Variants in KIF2C observed in about 807,000 individuals in gnomAD.
KIF2C encodes kinesin family member 2C, also known as kinesin-like protein KIF2C.
Under a neutral mutation model 97.4 loss-of-function variants are expected in KIF2C, and 34 were observed. That is an observed-to-expected ratio of 0.35 (90% CI 0.27 to 0.46). The LOEUF (loss-of-function observed/expected upper bound fraction) is 0.46, where lower values mean the gene tolerates loss of function less well. KIF2C is among the 20% of genes least tolerant of loss of function. KIF2C has a pLI of 1.00. For synonymous variants in KIF2C, 313 were observed against 318.2 expected, an observed-to-expected ratio of 0.98 and a Z score of 0.17; for missense variants, 750 against 907.6, an observed-to-expected ratio of 0.83 and a Z score of 2.23.
intron 19 of KIF2C, among the ~76,000 whole-genome samples, chr1:44,764,619 C>T (rs1650352381): frequency 6.6e-6 from 1 of 152,192 alleles, no homozygotes; most frequent in East Asian, 2.0e-4. Context: ...AAGCAATTCT[C>T]CTGCCTCAGC....
Position 44,753,749 on chromosome 1 carries a change from T to C in KIF2C, c.579T>C (p.Cys193=). The C allele has an allele frequency of 6.2e-7, 1 of 1,605,608 alleles. No individual in the cohort carries two copies. The part of the protein sequence containing the change: ...NPVNSVRRKS[C]LVKEVEKMKN... The stretch of plus-strand genomic sequence containing the variant: ...TTTTCATAGTTCGGAGGAAATCATG[T>C]CTTGTGAAGGAAGTGGAAAAAATGA... Residue 193 remains cysteine, a synonymous_variant, in exon 7 of 21, where the codon TGT becomes TGC. Coordinates refer to ENST00000372224, the MANE Select transcript of KIF2C (RefSeq NM_006845.4).
At position 44,740,926 on chromosome 1, in the gene KIF2C, T is replaced by C. The variant is rs145948180; in HGVS notation, c.84T>C (p.Ser28=). The change falls in exon 2 of 21, where the codon AGT becomes AGC. Residue 28 remains serine (S), a synonymous_variant. Transcript: ENST00000372224. ...KIQRSNGLIH[S]ANVRTVNLEK... is the part of the protein sequence containing the mutation. ...CATACTTTATAGGTTTAATTCACAGTGCCAATGTAAGGACTGTGAACTTGG... is the reference window on the plus strand; with the variant it reads ...CATACTTTATAGGTTTAATTCACAGCGCCAATGTAAGGACTGTGAACTTGG... 6.2e-7 allele frequency: 1 copy of C among 1,613,050 alleles called. No individual in the cohort carries two copies. Among genetic ancestry groups the C allele is most frequent in the Non-Finnish European group, 8.5e-7 (1 of 1,179,312 alleles).
Position 44,740,633 on chromosome 1 carries a change from G to C in KIF2C, c.71-280G>C, listed in dbSNP as rs572677551. ...ACATACCTTTTGTATGTTCTCTTTT[G>C]TAGGCTCTATCTCTCTTTTTTTGTA... On this transcript the variant is annotated intron_variant, in intron 1 of 20. Transcript: ENST00000372224. Among the ~76,000 whole-genome samples the C allele has an allele frequency of 2.0e-5, 3 of 152,220 alleles. No individual in the cohort carries two copies. The East Asian group carries it at 5.8e-4, about 29-fold the overall frequency.
At position 44,758,144 on chromosome 1, in the gene KIF2C, G is replaced by C. The variant is rs920610597; in HGVS notation, c.1224+4G>C. The C allele has an allele frequency of 6.2e-7, 1 of 1,613,350 alleles. No individual in the cohort carries two copies. Among genetic ancestry groups the C allele is most frequent in the South Asian group, 1.1e-5 (1 of 91,050 alleles). On this transcript the variant is annotated splice_donor_region_variant and intron_variant, in intron 13 of 20. Transcript: ENST00000372224. ...CTTCGAGATCTACAATGGGAAGGTA[G>C]CTGGCAGGAAGCCCCTTGTTTACAC...
intron 2 of KIF2C, chr1:44,746,835 G>T: frequency 7.4e-7 from 1 of 1,356,458 alleles, no homozygotes; most frequent in South Asian, 1.3e-5. Context: ...GGTAAAGTTT[G>T]AATTTAGGGG....
intron 4 of KIF2C, among the ~76,000 whole-genome samples, chr1:44,748,192 A>T (rs2148823786): frequency 6.6e-6 from 1 of 152,210 alleles, no homozygotes; most frequent in Non-Finnish European, 1.5e-5. Context: ...AGTCTGTGAA[A>T]ACCTACTTTG....
Position 44,762,502 on chromosome 1 carries a change from G to A in KIF2C, c.1858-43G>A, listed in dbSNP as rs764210263. ...AGACAGAAGTGTGGCCTGCTGAGGCGGCACCTGGGTCACATAATTGTCTTT... is the reference window on the plus strand; with the variant it reads ...AGACAGAAGTGTGGCCTGCTGAGGCAGCACCTGGGTCACATAATTGTCTTT... On this transcript the variant is annotated intron_variant, in intron 18 of 20. Transcript: ENST00000372224. 8.7e-6 allele frequency: 14 copies of A among 1,607,488 alleles called. No individual in the cohort carries two copies. In the African/African-American group the frequency reaches 1.6e-4, roughly 18 times the overall value.
At chr1:44,741,314 G>A (rs900394085) in intron 2 of KIF2C, among the ~76,000 whole-genome samples, 19 of 151,560 alleles carry the variant, frequency 1.3e-4, no homozygotes, top group East Asian at 1.9e-4. Context: ...CCTGGGAGGC[G>A]GAGGTTGCAG....
At chr1:44,765,733 G>A (rs1176089040) in intron 19 of KIF2C, among the ~76,000 whole-genome samples, 1 of 152,180 alleles carries the variant, frequency 6.6e-6, no homozygotes, top group Non-Finnish European at 1.5e-5. Context: ...TACTCGGGAG[G>A]CTGAGTTGTA....
In KIF2C at chr1:44,760,525, G is replaced by A; in HGVS notation, c.1572+41G>A. The A allele has an allele frequency of 6.2e-7, 1 of 1,611,826 alleles. No individual in the cohort carries two copies. The highest frequency in any genetic ancestry group is 8.5e-7 in the Non-Finnish European group (1 of 1,178,686). ...GAGCTGGTTGGCCGGGAGAGCTACT[G>A]GGAAGGGATGGGGAGGGATCAGTGC... is the stretch of plus-strand genomic sequence containing the variant. On this transcript the variant is annotated intron_variant, in intron 15 of 20. Transcript: ENST00000372224. This position sits in a 1 kb window ranked among gnomAD's most constrained non-coding sequence, Gnocchi z 4.2.
rs1267938367 is a variant in KIF2C, at chr1:44,753,841, T to C, written c.663+8T>C. The stretch of plus-strand genomic sequence containing the variant: ...AGAATGAAGAGAGCTCAGGTACCTT[T>C]CTTGGGAGACTAGGGTAAGGGTTTT... On this transcript the variant is annotated splice_region_variant and intron_variant, in intron 7 of 20. Transcript: ENST00000372224. 5.1e-6 allele frequency: 8 copies of C among 1,572,798 alleles called. No homozygotes were observed. The South Asian group carries it at 9.2e-5, about 18-fold the overall frequency.
intron 1 of KIF2C, among the ~76,000 whole-genome samples, chr1:44,740,555 A>G (rs1218691693): frequency 6.6e-6 from 1 of 152,196 alleles, no homozygotes; most frequent in Non-Finnish European, 1.5e-5. Context: ...CAGATCCTCA[A>G]TGCTATGTTG....
At position 44,759,195 on chromosome 1, in the gene KIF2C, G is replaced by A; in HGVS notation, c.1225-11G>A. 1.9e-6 allele frequency: 3 copies of A among 1,613,820 alleles called. No individual in the cohort carries two copies. The highest frequency in any genetic ancestry group is 2.5e-6 in the Non-Finnish European group (3 of 1,179,888). Reference sequence around the variant, plus strand: ...CAGTGGCCTTAGCCTCATTCCCCCTGCCTGGCACAGCTGTTTGACCTGCTC... The same window carrying A: ...CAGTGGCCTTAGCCTCATTCCCCCTACCTGGCACAGCTGTTTGACCTGCTC... On this transcript the variant is annotated splice_polypyrimidine_tract_variant and intron_variant, in intron 13 of 20. Coordinates refer to ENST00000372224, the MANE Select transcript of KIF2C (RefSeq NM_006845.4).
At chr1:44,750,241 T>A (rs1649435703) in intron 4 of KIF2C, 2 of 450,152 alleles carry the variant, frequency 4.4e-6, no homozygotes, top group South Asian at 1.5e-4. Context: ...GCTCCTAGAT[T>A]TGCACAATGT....
chr1:44,757,452 TAGA>T, intron 10 of KIF2C, 101 bp from the exon 11 acceptor site: 5 of 764,104 alleles, frequency 6.5e-6, no homozygotes, highest in Non-Finnish European at 9.3e-6. Context: ...GTGCTATTCT[TAGA>T]AGGAGGAATC....
intron 3 of KIF2C, 27 bp downstream of exon 3, chr1:44,747,512 C>T (rs1649271696): frequency 6.3e-7 from 1 of 1,584,246 alleles, no homozygotes; most frequent in South Asian, 1.1e-5. Flanking sequence ...TGGCTGCAGC[C>T]AGTGCGCCAG....
At position 44,758,052 on chromosome 1, in the gene KIF2C, G is replaced by A. The variant is rs959771177; in HGVS notation, c.1136G>A (p.Arg379Gln). ...TTAGCAAAGTTCTCTCCCTCAGCCC[G>A]GGACGTCTTCCTCCTGAAGAATCAA... is the stretch of plus-strand genomic sequence containing the variant. The part of the protein sequence containing the change: ...ASKGIYAMAS[R>Q]DVFLLKNQPC... The change falls in exon 13 of 21, where the codon CGG (arginine) becomes CAG (glutamine). Residue 379 changes from arginine to glutamine, a missense_variant. Arg to Gln is a conservative substitution (Grantham distance 43). Transcript: ENST00000372224. 28 of 1,614,010 alleles carry A rather than the reference G, an allele frequency of 1.7e-5. No homozygotes were observed. The highest frequency in any genetic ancestry group is 2.7e-5 in the African/African-American group (2 of 74,908).
At chr1:44,753,013 A>C in intron 5 of KIF2C, 119 bp from the exon 6 acceptor site, 1 of 1,234,902 alleles carries the variant, frequency 8.1e-7, no homozygotes. Context: ...CTCTGCACAT[A>C]CTGTAAGCCT....
chr1:44,751,587 C>T (rs1257283129), intron 5 of KIF2C, among the ~76,000 whole-genome samples: 2 of 150,400 alleles, frequency 1.3e-5, no homozygotes, highest in South Asian at 2.1e-4. Context: ...TGGCTAACCT[C>T]AATCTCTGCC....
Sources: allele counts gnomAD v4.1 joint callset (sites outside exome capture counted in the v4.1 genomes callset), GRCh38; gene constraint gnomAD v4.1.1; non-coding constraint Gnocchi (gnomAD v3.1); transcripts MANE v1.5; gene names NCBI Gene and HGNC (gene_info 2026-07-23, HGNC 2026-07-21).